Variants in NOL4 observed in about 807,000 individuals in gnomAD.
NOL4 encodes nucleolar protein 4, also known as cancer/testis antigen 125.
NOL4 carries 17 observed loss-of-function variants against 75.9 expected under a neutral mutation model. The ratio of observed to expected loss-of-function variants is 0.22; its 90% CI spans 0.15 to 0.34. The LOEUF (loss-of-function observed/expected upper bound fraction) is 0.34. Among genes scored for constraint, NOL4 ranks in the 10% least tolerant of loss-of-function variants. NOL4 has a pLI of 1.00. For synonymous variants in NOL4, 292 were observed against 289.9 expected (o/e 1.01, Z -0.07); for missense variants, 614 against 793.5 (o/e 0.77, Z 2.72).
chr18:33,961,173 G>T (rs1453651128), intron 6 of NOL4, among the ~76,000 whole-genome samples: 7 of 152,004 alleles, frequency 4.6e-5, no homozygotes, highest in African/African-American at 1.7e-4. Context: ...TTAGTTTTAT[G>T]TGTCAACTTG....
chr18:34,030,600 G>T (rs758888033), intron 5 of NOL4, among the ~76,000 whole-genome samples: 1 of 152,096 alleles, frequency 6.6e-6, no homozygotes, highest in South Asian at 2.1e-4. Context: ...TGTGTTAATG[G>T]ATACAAAATT....
intron 10 of NOL4, among the ~76,000 whole-genome samples, chr18:33,862,442 C>CTTCT (rs2063194383): frequency 2.0e-5 from 3 of 152,134 alleles, no homozygotes; most frequent in Admixed American, 6.5e-5. Context: ...AACTCAAGAG[C>CTTCT]TTCTGCACAG....
intron 6 of NOL4, among the ~76,000 whole-genome samples, chr18:33,965,383 C>T (rs2070496294): frequency 6.6e-6 from 1 of 151,976 alleles, no homozygotes; most frequent in Non-Finnish European, 1.5e-5. Flanking sequence ...TAGAAGTGTA[C>T]TGGGGAGGGT....
At chr18:33,986,306 GAACTGTA>G (rs1427624990) in intron 6 of NOL4, among the ~76,000 whole-genome samples, 1 of 152,004 alleles carries the variant, frequency 6.6e-6, no homozygotes, top group East Asian at 1.9e-4. Context: ...CAACTCAGAG[GAACTGTA>G]AACCAAAGTA....
intron 4 of NOL4, among the ~76,000 whole-genome samples, chr18:34,101,476 C>T (rs757903619): frequency 1.3e-5 from 2 of 152,114 alleles, no homozygotes; most frequent in Non-Finnish European, 2.9e-5. Flanking sequence ...AACTTAAGGT[C>T]CTCACAAAGG....
At chr18:33,907,559 C>T (rs1446738193) in intron 9 of NOL4, among the ~76,000 whole-genome samples, 1 of 151,868 alleles carries the variant, frequency 6.6e-6, no homozygotes, top group African/African-American at 2.4e-5. Context: ...GAACAAATAC[C>T]TTTGTTGTTA....
chr18:33,879,545 G>A (rs1470353156), intron 10 of NOL4, among the ~76,000 whole-genome samples: 1 of 151,928 alleles, frequency 6.6e-6, no homozygotes, highest in African/African-American at 2.4e-5. Context: ...GCCCAGCATG[G>A]AGGCATGCAC....
intron 9 of NOL4, among the ~76,000 whole-genome samples, chr18:33,941,161 C>T (rs1195669978): frequency 6.6e-6 from 1 of 151,956 alleles, no homozygotes; most frequent in East Asian, 1.9e-4. Context: ...AAAATCCTCA[C>T]AACAGCTCTA....
intron 5 of NOL4, among the ~76,000 whole-genome samples, chr18:34,089,580 G>T (rs938772451): frequency 6.6e-6 from 1 of 152,230 alleles, no homozygotes; most frequent in African/African-American, 2.4e-5. Context: ...CCACAATGTG[G>T]AGAGCGACTA....
At chr18:34,181,831 G>A (rs952559854) in intron 1 of NOL4, among the ~76,000 whole-genome samples, 1 of 151,606 alleles carries the variant, frequency 6.6e-6, no homozygotes, top group African/African-American at 2.4e-5. Flanking sequence ...TTAGGGAAAT[G>A]CAAATCAAAA....
intron 5 of NOL4, among the ~76,000 whole-genome samples, chr18:34,044,904 A>C (rs7240888): frequency 0.46 from 70,313 of 151,888 alleles, 16,420 homozygotes; most frequent in East Asian, 0.53. Context: ...CCAAGACTAT[A>C]GTCTGTGCTT....
At chr18:33,964,206 C>T (rs537057060) in intron 6 of NOL4, among the ~76,000 whole-genome samples, 7 of 152,172 alleles carry the variant, frequency 4.6e-5, no homozygotes, top group South Asian at 4.1e-4. Flanking sequence ...ATAAAGTAAA[C>T]GTTTTCTGAG....
At chr18:34,143,049 T>C (rs1324688419) in intron 1 of NOL4, among the ~76,000 whole-genome samples, 4 of 148,730 alleles carry the variant, frequency 2.7e-5, no homozygotes, top group African/African-American at 1.0e-4. Context: ...GATGTAAAAA[T>C]TAATAAAACG....
At chr18:34,222,351 C>T (rs1198868398) in intron 1 of NOL4, 2 of 1,074,390 alleles carry the variant, frequency 1.9e-6, no homozygotes, top group South Asian at 2.5e-5. Context: ...AATGGGGGGG[C>T]GGGGAGGAGG....
At chr18:33,970,299 T>C (rs2145865641) in intron 6 of NOL4, among the ~76,000 whole-genome samples, 1 of 152,336 alleles carries the variant, frequency 6.6e-6, no homozygotes, top group Admixed American at 6.5e-5. Flanking sequence ...AAACAGTATA[T>C]ATGACCTTTG....
chr18:33,977,671 T>G (rs1004441293), intron 6 of NOL4, among the ~76,000 whole-genome samples: 7 of 152,230 alleles, frequency 4.6e-5, no homozygotes, highest in African/African-American at 1.7e-4. Context: ...ATACAAGGTT[T>G]AACTGAGATA....
chr18:34,211,777 TAGAA>T (rs1251394691), intron 1 of NOL4, among the ~76,000 whole-genome samples: 31 of 152,206 alleles, frequency 2.0e-4, no homozygotes, highest in South Asian at 6.2e-4. Context: ...AAACCTCAGA[TAGAA>T]AGGAAGAAAA....
chr18:33,947,700 T>C (rs910487483), intron 8 of NOL4, among the ~76,000 whole-genome samples: 2 of 151,886 alleles, frequency 1.3e-5, no homozygotes, highest in African/African-American at 2.4e-5. Context: ...TATAAGATAA[T>C]GGTACCTACC....
chr18:33,943,905 C>T (rs2068665638), intron 8 of NOL4, among the ~76,000 whole-genome samples: 1 of 151,838 alleles, frequency 6.6e-6, no homozygotes, highest in South Asian at 2.1e-4. Flanking sequence ...TCATGATTAA[C>T]TGTAAATTGT....
Sources: allele counts gnomAD v4.1 joint callset (sites outside exome capture counted in the v4.1 genomes callset), GRCh38; gene constraint gnomAD v4.1.1; transcripts MANE v1.5; gene names NCBI Gene and HGNC (gene_info 2026-07-23, HGNC 2026-07-21).